The following DAW1 variants were observed in gnomAD, a reference collection of about 807,000 sequenced individuals.
The protein encoded by DAW1 is dynein assembly factor with WD repeats 1.
In DAW1, 47 loss-of-function variants were observed where a neutral mutation model predicts 56.5. That is an observed-to-expected ratio of 0.83 (90% CI 0.66 to 1.06). DAW1 has a LOEUF of 1.06. Ranked by LOEUF, DAW1 falls within the 50% of genes least tolerant of loss-of-function variation. DAW1 has a pLI of 0.00. For synonymous variants in DAW1, 190 were observed against 179.0 expected (o/e 1.06, Z -0.49); for missense variants, 505 against 499.3 (o/e 1.01, Z -0.11).
intron 1 of DAW1, 77 bp from the exon 2 acceptor site, chr2:227,885,274 A>G: frequency 9.8e-7 from 1 of 1,021,126 alleles, no homozygotes; most frequent in African/African-American, 1.7e-5. Flanking sequence ...AATGGAAAAA[A>G]CTGTGGCAAG....
At chr2:227,901,169 T>C (rs1691535212) in intron 6 of DAW1, among the ~76,000 whole-genome samples, 1 of 152,096 alleles carries the variant, frequency 6.6e-6, no homozygotes, top group African/African-American at 2.4e-5. Context: ...GTTGTAAAGA[T>C]AGATGAAGAG....
At position 227,874,585 on chromosome 2, in the gene DAW1, C is replaced by T. The variant is rs550639247; in HGVS notation, c.40+2856C>T. ...ATATTCTATTTTCCTTCCTGTCTCA[C>T]GTCACTTCTTCTGTGTCTATCTTGT... On this transcript the variant is annotated intron_variant, in intron 1 of 12. Coordinates refer to ENST00000309931, the MANE Select transcript of DAW1 (RefSeq NM_178821.3). 3.0e-4 allele frequency among the ~76,000 whole-genome samples: 45 copies of T among 152,138 alleles called. 1 individual carries two copies. Among genetic ancestry groups the T allele is most frequent in the Non-Finnish European group, 4.1e-4 (28 of 68,036 alleles).
intron 1 of DAW1, among the ~76,000 whole-genome samples, chr2:227,884,670 G>T (rs183192277): frequency 3.8e-4 from 58 of 152,238 alleles, no homozygotes; most frequent in African/African-American, 1.3e-3. Context: ...GTCACTTCCC[G>T]GCCTGATTAT....
At chr2:227,912,319 G>A (rs959181843) in intron 10 of DAW1, 29 of 1,274,992 alleles carry the variant, frequency 2.3e-5, no homozygotes, top group African/African-American at 6.1e-5. Context: ...TGCAACCTGC[G>A]CCTCCCAGGT....
At position 227,923,967 on chromosome 2, in the gene DAW1, G is replaced by C; in HGVS notation, c.1247G>C (p.Ter416SerextTer7). The change falls in exon 13 of 13, where the codon TGA (stop) becomes TCA (serine). Residue 416 changes from the stop codon to serine (S), a stop_lost. Transcript: ENST00000309931. ...GATAATACCTGTAGGATATGGCGTTGACTGAAGGAAGCTGGTCAGTGAGCA... is the reference window on the plus strand; with the variant it reads ...GATAATACCTGTAGGATATGGCGTTCACTGAAGGAAGCTGGTCAGTGAGCA... ...SKDNTCRIWR[*>S] The C allele has an allele frequency of 1.2e-6, 2 of 1,614,078 alleles. No homozygotes were observed. The highest frequency in any genetic ancestry group is 1.7e-6 in the Non-Finnish European group (2 of 1,179,952).
intron 10 of DAW1, among the ~76,000 whole-genome samples, chr2:227,914,219 C>T (rs1217588807): frequency 2.0e-5 from 3 of 152,006 alleles, no homozygotes; most frequent in Admixed American, 6.6e-5. Context: ...CATCTATGAT[C>T]CTGTACTGAG....
chr2:227,922,694 A>G (rs1692140720), intron 12 of DAW1, among the ~76,000 whole-genome samples: 1 of 152,222 alleles, frequency 6.6e-6, no homozygotes, highest in Non-Finnish European at 1.5e-5. Flanking sequence ...ACCACCTAAA[A>G]TGCCTCCCCA....
intron 1 of DAW1, 124 bp downstream of exon 1, chr2:227,871,853 C>G: frequency 8.0e-7 from 1 of 1,246,780 alleles, no homozygotes; most frequent in South Asian, 1.3e-5. Context: ...GGCAGGAAGT[C>G]GGGCACTTCC....
rs144775635 is a variant in DAW1, at chr2:227,919,290, C to G, written c.1050+434C>G. The stretch of plus-strand genomic sequence containing the variant: ...AAGATTAAGATTTGTTCTATTGTCT[C>G]ATGTTTTTTTCTAGAAATCACTTAC... On this transcript the variant is annotated intron_variant, in intron 11 of 12. Coordinates refer to ENST00000309931, the MANE Select transcript of DAW1 (RefSeq NM_178821.3). 5.1e-3 allele frequency among the ~76,000 whole-genome samples: 766 copies of G among 151,162 alleles called. 5 individuals are homozygous for G. Among genetic ancestry groups the G allele is most frequent in the Middle Eastern group, 0.01 (3 of 290 alleles).
chr2:227,880,787 A>C (rs1473175777), intron 1 of DAW1, among the ~76,000 whole-genome samples: 1 of 152,220 alleles, frequency 6.6e-6, no homozygotes, highest in African/African-American at 2.4e-5. Context: ...ACTGAGCAGG[A>C]AACTCCAGAG....
At chr2:227,874,963 AAAACAAACAAAC>A (rs55786766) in intron 1 of DAW1, among the ~76,000 whole-genome samples, 1 of 117,790 alleles carries the variant, frequency 8.5e-6, no homozygotes, top group Non-Finnish European at 1.8e-5. Flanking sequence ...ACTCTGTCTC[AAAACAAACAAAC>A]AAACAAACAA....
intron 6 of DAW1, among the ~76,000 whole-genome samples, chr2:227,901,825 A>G (rs1313290497): frequency 6.6e-6 from 1 of 152,160 alleles, no homozygotes; most frequent in East Asian, 1.9e-4. Flanking sequence ...AGATCAAGGG[A>G]GGATTTACTC....
At position 227,907,161 on chromosome 2, in the gene DAW1, A is replaced by ATT; in HGVS notation, c.883_884insTT (p.Cys295PhefsTer6). 6.2e-7 allele frequency: 1 copy of ATT among 1,612,848 alleles called. No individual in the cohort carries two copies. Among genetic ancestry groups the ATT allele is most frequent in the South Asian group, 1.1e-5 (1 of 90,694 alleles). ...AGCTGTGGGATGCTACAAATGGAAA[A>ATT]TGTGTGGCAACCTTAACAGGCCATG... is the stretch of plus-strand genomic sequence containing the variant. On this transcript the variant is annotated frameshift_variant, in exon 10 of 13. Transcript: ENST00000309931. LOFTEE classifies it high-confidence loss of function.
chr2:227,909,513 A>G (rs192827986), intron 10 of DAW1, among the ~76,000 whole-genome samples: 117 of 151,854 alleles, frequency 7.7e-4, no homozygotes, highest in African/African-American at 2.7e-3. Context: ...ACATATTTAT[A>G]TATGAAGGCT....
intron 10 of DAW1, among the ~76,000 whole-genome samples, chr2:227,907,768 G>A (rs1007187720): frequency 7.9e-5 from 12 of 152,170 alleles, no homozygotes; most frequent in South Asian, 2.1e-4. Context: ...GGCTGGTCTC[G>A]AACTCCTGAC....
chr2:227,893,976 T>G, intron 5 of DAW1, 59 bp downstream of exon 5: 2 of 1,470,660 alleles, frequency 1.4e-6, no homozygotes, highest in Non-Finnish European at 1.8e-6. Context: ...CTCCATCTGC[T>G]TGGGGAGAAA....
chr2:227,874,148 CT>C (rs779174047), intron 1 of DAW1, among the ~76,000 whole-genome samples: 14 of 152,138 alleles, frequency 9.2e-5, no homozygotes, highest in Admixed American at 2.0e-4. Context: ...GAAGCTCTTG[CT>C]TTCATCTCTT....
In DAW1 at chr2:227,902,357, G is replaced by T. The variant is rs142087462; in HGVS notation, c.541-645G>T. 1.6e-3 allele frequency among the ~76,000 whole-genome samples: 243 copies of T among 152,216 alleles called. 1 individual carries two copies. The highest frequency in any genetic ancestry group is 5.5e-3 in the African/African-American group (227 of 41,536). On this transcript the variant is annotated intron_variant, in intron 6 of 12. Transcript: ENST00000309931. ...ATACTGGGAGGAGTGATGCTTCCGG[G>T]GTGTCAGTTGAATGGGGAGGATGGA...
chr2:227,907,867 A>T (rs1236359695), intron 10 of DAW1, among the ~76,000 whole-genome samples: 2 of 152,112 alleles, frequency 1.3e-5, no homozygotes, highest in African/African-American at 4.8e-5. Flanking sequence ...ATTACATATG[A>T]TGTTACCCTA....
Sources: gnomAD v4.1 joint callset for allele counts (sites outside exome capture counted in the v4.1 genomes callset) on GRCh38, gnomAD v4.1.1 for gene constraint, MANE v1.5 for transcripts, NCBI Gene and HGNC (gene_info 2026-07-23, HGNC 2026-07-21) for gene names.